CNOT4: variants seen among roughly 807,000 people sequenced by gnomAD.
CNOT4 encodes CCR4-NOT transcription complex subunit 4.
In CNOT4, 8 loss-of-function variants were observed where a neutral mutation model predicts 73.8. The ratio of observed to expected loss-of-function variants is 0.11; its 90% CI spans 0.06 to 0.20. The LOEUF (loss-of-function observed/expected upper bound fraction) is 0.20, where lower values mean the gene tolerates loss of function less well. CNOT4 is among the 10% of genes least tolerant of loss of function. The pLI, the probability that CNOT4 is intolerant of heterozygous loss-of-function variation, is 1.00. For synonymous variants in CNOT4, 293 were observed against 321.1 expected, an observed-to-expected ratio of 0.91 and a Z score of 0.94; for missense variants, 564 against 883.4, an observed-to-expected ratio of 0.64 and a Z score of 4.58.
chr7:135,473,087 T>C (rs773670706), intron 1 of CNOT4, among the ~76,000 whole-genome samples: 1 of 152,086 alleles, frequency 6.6e-6, no homozygotes, highest in Non-Finnish European at 1.5e-5. Flanking sequence ...TAAGAAAAGA[T>C]TGATTCACGT....
chr7:135,491,504 C>T (rs1803107538), intron 1 of CNOT4, among the ~76,000 whole-genome samples: 1 of 152,094 alleles, frequency 6.6e-6, no homozygotes, highest in Admixed American at 6.5e-5. Flanking sequence ...TAGATCATCA[C>T]CCAAGATAAT....
intron 1 of CNOT4, among the ~76,000 whole-genome samples, chr7:135,480,634 C>CAGTTTCA (rs1386608659): frequency 1.3e-5 from 2 of 152,266 alleles, no homozygotes; most frequent in Non-Finnish European, 2.9e-5. Context: ...TAGCTCATTG[C>CAGTTTCA]AGTTTCAAAT....
chr7:135,425,923 G>C (rs988222753), intron 2 of CNOT4, among the ~76,000 whole-genome samples: 1 of 152,080 alleles, frequency 6.6e-6, no homozygotes, highest in Non-Finnish European at 1.5e-5. Flanking sequence ...ATAAGGATGA[G>C]AGGTAGACTA....
chr7:135,441,148 C>A (rs538649062), intron 1 of CNOT4, among the ~76,000 whole-genome samples: 2 of 152,028 alleles, frequency 1.3e-5, no homozygotes, highest in South Asian at 4.1e-4. Context: ...GACGTTTAGA[C>A]ACCAAAATGT....
intron 1 of CNOT4, among the ~76,000 whole-genome samples, chr7:135,474,193 T>TG (rs1410733366): frequency 4.9e-4 from 75 of 151,678 alleles, no homozygotes; most frequent in Non-Finnish European, 9.6e-4. Flanking sequence ...TTGGCCAGGC[T>TG]GGTCTTGAAC....
chr7:135,469,917 GT>G (rs1180583552), intron 1 of CNOT4, among the ~76,000 whole-genome samples: 1 of 152,046 alleles, frequency 6.6e-6, no homozygotes, highest in African/African-American at 2.4e-5. Context: ...CACCTCCTAG[GT>G]TTAAGCAATT....
rs1198897644 is a variant in CNOT4, at chr7:135,394,219, G to A, written c.1326C>T (p.His442=). The change falls in exon 10 of 12, where the codon CAC becomes CAT. Residue 442 remains histidine (H), a synonymous_variant. Coordinates refer to ENST00000541284, the MANE Select transcript of CNOT4 (RefSeq NM_001190850.2). ...AGCCTGGACCTTTGGCGGTTGTAGT[G>A]TGTGAAGAGGAGTTCTGAAGAGATG... ...SPTSLQNSSS[H]TTTAKGPGSG... 6.2e-7 allele frequency: 1 copy of A among 1,614,182 alleles called. No homozygotes were observed. Among genetic ancestry groups the A allele is most frequent in the South Asian group, 1.1e-5 (1 of 91,084 alleles).
At chr7:135,453,819 A>ATTT (rs1800331909) in intron 1 of CNOT4, among the ~76,000 whole-genome samples, 1 of 89,488 alleles carries the variant, frequency 1.1e-5, no homozygotes, top group Non-Finnish European at 2.4e-5. Context: ...TAATAAATAT[A>ATTT]TATATTTTAT....
intron 10 of CNOT4, among the ~76,000 whole-genome samples, chr7:135,370,363 G>T (rs1795130150): frequency 6.6e-6 from 1 of 152,192 alleles, no homozygotes; most frequent in Admixed American, 6.5e-5. Flanking sequence ...CGCTACATAT[G>T]ACTTGTGCTT....
At chr7:135,383,223 T>C (rs903257922) in intron 10 of CNOT4, among the ~76,000 whole-genome samples, 4 of 152,158 alleles carry the variant, frequency 2.6e-5, no homozygotes, top group African/African-American at 9.7e-5. Flanking sequence ...AGCCCATTTT[T>C]AAAAAAGCCT....
At chr7:135,399,199 G>A (rs564688390) in intron 7 of CNOT4, among the ~76,000 whole-genome samples, 1 of 151,948 alleles carries the variant, frequency 6.6e-6, no homozygotes, top group African/African-American at 2.4e-5. Context: ...CTTAATGATG[G>A]GATACATTTT....
intron 1 of CNOT4, among the ~76,000 whole-genome samples, chr7:135,452,966 C>T (rs1160400654): frequency 6.6e-6 from 1 of 152,086 alleles, no homozygotes; most frequent in Non-Finnish European, 1.5e-5. Context: ...TGAAGGTTGT[C>T]AAGAAAAGGA....
In CNOT4 at chr7:135,391,062, A is replaced by C. The variant is rs1365546825; in HGVS notation, c.1627+2856T>G. ...AACTCAGGTGCAAGTGAGTTAGAAC[A>C]GGTGCAAGTGAGTTACAACAGGTGC... is the stretch of plus-strand genomic sequence containing the variant. On this transcript the variant is annotated intron_variant, in intron 10 of 11. Transcript: ENST00000541284. 2.0e-5 allele frequency among the ~76,000 whole-genome samples: 3 copies of C among 152,148 alleles called. No individual in the cohort carries two copies. In the East Asian group the frequency reaches 5.8e-4, roughly 29 times the overall value.
intron 10 of CNOT4, among the ~76,000 whole-genome samples, chr7:135,379,556 G>T (rs908893837): frequency 6.6e-5 from 10 of 152,152 alleles, no homozygotes; most frequent in Non-Finnish European, 1.3e-4. Context: ...AGTAGGGTAT[G>T]TGTGTGCCTA....
At chr7:135,372,587 C>T (rs181500147) in intron 10 of CNOT4, among the ~76,000 whole-genome samples, 157 of 143,288 alleles carry the variant, frequency 1.1e-3, no homozygotes, top group African/African-American at 3.9e-3. Flanking sequence ...GACGGAGTCT[C>T]GCTGCGTCGC....
chr7:135,487,842 A>G (rs373882338), intron 1 of CNOT4, among the ~76,000 whole-genome samples: 1 of 152,202 alleles, frequency 6.6e-6, no homozygotes, highest in African/African-American at 2.4e-5. Flanking sequence ...TCACGAGGTC[A>G]GGAGATCGAG....
At chr7:135,372,563 T>G (rs1259368346) in intron 10 of CNOT4, among the ~76,000 whole-genome samples, 1 of 151,726 alleles carries the variant, frequency 6.6e-6, no homozygotes, top group African/African-American at 2.4e-5. Flanking sequence ...ATGTTTTTTT[T>G]TTTTTTTTTT....
At chr7:135,393,780 GATT>G (rs1205979929) in intron 10 of CNOT4, 135 bp downstream of exon 10, 2 of 621,664 alleles carry the variant, frequency 3.2e-6, no homozygotes, top group South Asian at 2.3e-5. Flanking sequence ...ATATATTTTA[GATT>G]ATGATAAAGA....
intron 1 of CNOT4, among the ~76,000 whole-genome samples, chr7:135,485,796 A>G (rs1332740534): frequency 2.0e-5 from 3 of 152,230 alleles, no homozygotes; most frequent in African/African-American, 7.2e-5. Context: ...ATGTTATCAC[A>G]CACTTAAATG....
Sources: allele counts gnomAD v4.1 joint callset (sites outside exome capture counted in the v4.1 genomes callset), GRCh38; gene constraint gnomAD v4.1.1; transcripts MANE v1.5; gene names NCBI Gene and HGNC (gene_info 2026-07-23, HGNC 2026-07-21).